CACTIN: variants seen among roughly 807,000 people sequenced by gnomAD.
CACTIN encodes the protein splicing factor Cactin.
CACTIN carries 20 observed loss-of-function variants against 84.9 expected under a neutral mutation model. The ratio of observed to expected loss-of-function variants is 0.24; its 90% CI spans 0.17 to 0.34. The LOEUF is 0.34. CACTIN is among the 10% of genes least tolerant of loss of function. The pLI, the probability that CACTIN is intolerant of heterozygous loss-of-function variation, is 1.00. For missense variants in CACTIN, 897 were observed against 1,117.2 expected (o/e 0.80, Z 2.81); for synonymous variants, 549 against 467.9 (o/e 1.17, Z -2.24).
chr19:3,626,729 C>A lies in CACTIN; in HGVS notation c.34G>T (p.Ala12Ser). ...GRDTRSRSRS[A>S]GRRGRRRQSQ... ...TGCCGCCTTCGGCCCCGGCGACCCG[C>A]GGACCGCGAGCGCGAGCGTGTGTCC... is the stretch of plus-strand genomic sequence containing the variant. The change falls in exon 1 of 10, where the codon GCG (alanine) becomes TCG (serine). Residue 12 changes from alanine (A) to serine (S), a missense_variant. Physicochemically the swap from Ala to Ser is moderately conservative, Grantham distance 99. Around this residue, in one of 8 missense-constraint regions of CACTIN, gnomAD observed 261 missense variants for 243.8 expected, o/e 1.07. Transcript: ENST00000429344. The A allele has an allele frequency of 6.7e-7, 1 of 1,492,962 alleles. No individual in the cohort carries two copies. Among genetic ancestry groups the A allele is most frequent in the Non-Finnish European group, 8.9e-7 (1 of 1,127,738 alleles). The allele number at this position is 1,492,962 out of a possible 1,614,324, so 92.5% of individuals were successfully genotyped here. A position where few individuals can be genotyped will look rare whatever the true frequency, so the allele number is the denominator to read the frequency against.
intron 7 of CACTIN, chr19:3,614,013 G>A (rs1312312750): frequency 2.5e-5 from 11 of 447,708 alleles, no homozygotes; most frequent in South Asian, 1.0e-4. Context: ...AGGCAGCAGC[G>A]CTGGGAGGGC....
At chr19:3,625,047 C>T (rs1472155387) in intron 1 of CACTIN, among the ~76,000 whole-genome samples, 3 of 152,116 alleles carry the variant, frequency 2.0e-5, no homozygotes, top group South Asian at 2.1e-4. Context: ...CACACCACCA[C>T]GCCCAGGTAA....
chr19:3,613,227 C>T lies in CACTIN; in HGVS notation c.1617G>A (p.Ala539=), dbSNP rs934510253. ...GGATCAGGTCCTCCTCCATGAGCAC[C>T]GCCTCGCCCTCGCCCTCGCCCTCAC... ...GDGEGEGEGE[A]VLMEEDLIQQ... is the part of the protein sequence containing the mutation. Residue 539 remains alanine (A), a synonymous_variant, in exon 9 of 10, where the codon GCG becomes GCA. Transcript: ENST00000429344. The T allele has an allele frequency of 1.9e-6, 3 of 1,605,688 alleles. No individual in the cohort carries two copies. The highest frequency in any genetic ancestry group is 1.3e-5 in the African/African-American group (1 of 74,920).
Position 3,612,114 on chromosome 19 carries a change from G to A in CACTIN, c.2086C>T (p.Leu696=), listed in dbSNP as rs1330766298. Residue 696 remains leucine, a synonymous_variant, in exon 10 of 10, where the codon CTG becomes TTG. Transcript: ENST00000429344. ...IDKRSTPEYF[L]EACADNKDFA... ...TCCTTGTTGTCGGCGCAGGCCTCCA[G>A]GAAGTACTCGGGCGTGGAGCGCTTG... 1.9e-6 allele frequency: 3 copies of A among 1,613,680 alleles called. No individual in the cohort carries two copies. Among genetic ancestry groups the A allele is most frequent in the African/African-American group, 2.7e-5 (2 of 74,962 alleles).
chr19:3,621,125 A>C, intron 2 of CACTIN: 1 of 453,444 alleles, frequency 2.2e-6, no homozygotes, highest in Non-Finnish European at 4.1e-6. Context: ...CCCCCAACAG[A>C]AGAGCCTTGC....
chr19:3,623,712 C>A lies in CACTIN; in HGVS notation c.618G>T (p.Leu206=), dbSNP rs369539603. 3.7e-6 allele frequency: 6 copies of A among 1,611,232 alleles called. No homozygotes were observed. Among genetic ancestry groups the A allele is most frequent in the Non-Finnish European group, 5.1e-6 (6 of 1,178,086 alleles). Residue 206 remains leucine, a synonymous_variant, in exon 2 of 10, where the codon CTG becomes CTT. Transcript: ENST00000429344. Reference sequence around the variant, plus strand: ...CCTTATTCCAGATGAAGGTGCCCAGCAGGTTGTTGTCTCCGAAGGGGTTGT... The same window carrying A: ...CCTTATTCCAGATGAAGGTGCCCAGAAGGTTGTTGTCTCCGAAGGGGTTGT... ...NTDNPFGDNN[L]LGTFIWNKAL... is the part of the protein sequence containing the mutation.
chr19:3,623,491 T>C (rs550541192), intron 2 of CACTIN, among the ~76,000 whole-genome samples, 197 bp downstream of exon 2: 8 of 152,184 alleles, frequency 5.3e-5, no homozygotes, highest in African/African-American at 1.7e-4. Flanking sequence ...ATCACACCAC[T>C]TCACTCCAGC....
chr19:3,612,873 G>C (rs1198064136), intron 9 of CACTIN, 185 bp downstream of exon 9: 1 of 797,542 alleles, frequency 1.3e-6, no homozygotes, highest in African/African-American at 1.7e-5. Flanking sequence ...AGCAAGCCCA[G>C]GATGAATGAA....
intron 7 of CACTIN, chr19:3,614,058 G>A: frequency 4.1e-6 from 2 of 491,588 alleles, no homozygotes; most frequent in Non-Finnish European, 7.5e-6. Context: ...GGACAGGCAG[G>A]CCGCCTGGGG....
rs182927689 is a variant in CACTIN, at chr19:3,611,594, C to T, written c.*329G>A. On this transcript the variant is annotated 3_prime_UTR_variant, in exon 10 of 10. Coordinates refer to ENST00000429344, the MANE Select transcript of CACTIN (RefSeq NM_001080543.2). Reference sequence around the variant, plus strand: ...GGCCCCACCCAGCCTGGCTGAGGGGCGGTGGAGAGTGTCCGCCTGGACGGT... The same window carrying T: ...GGCCCCACCCAGCCTGGCTGAGGGGTGGTGGAGAGTGTCCGCCTGGACGGT... 113 of 395,900 alleles carry T rather than the reference C, an allele frequency of 2.9e-4. No homozygotes were observed. The highest frequency in any genetic ancestry group is 2.3e-3 in the African/African-American group (110 of 48,400). 24.5% of individuals were successfully genotyped at this position (395,900 alleles called of 1,614,324 possible).
rs1432829682 is a variant in CACTIN, at chr19:3,611,733, G to A, written c.*190C>T. On this transcript the variant is annotated 3_prime_UTR_variant, in exon 10 of 10. Transcript: ENST00000429344. ...TCCCAGTGTCTCCTCAGCTCACCAT[G>A]GCAGGCTCAATGGTGACCCCCCTTT... The A allele has an allele frequency of 9.3e-6, 7 of 751,646 alleles. No homozygotes were observed. The highest frequency in any genetic ancestry group is 5.5e-5 in the East Asian group (2 of 36,446). The allele number at this position is 751,646 out of a possible 1,614,324, so 46.6% of individuals were successfully genotyped here.
rs747351327 is a variant in CACTIN at position 3,612,265 on chromosome 19, G to A, written c.1935C>T (p.Phe645=). The A allele has an allele frequency of 1.9e-6, 3 of 1,613,120 alleles. No homozygotes were observed. The highest frequency in any genetic ancestry group is 2.5e-6 in the Non-Finnish European group (3 of 1,179,908). The change falls in exon 10 of 10, where the codon TTC becomes TTT. Residue 645 remains phenylalanine (F), a synonymous_variant. Transcript: ENST00000429344. ...CGAAGCCCGTGTGCACGCGGTTGAA[G>A]AAGCGCGGCTTGCGTGGCCGGTACT... ...ADKYRPRKPR[F]FNRVHTGFEW... is the part of the protein sequence containing the mutation.
intron 6 of CACTIN, chr19:3,614,972 A>T: frequency 2.9e-6 from 1 of 340,892 alleles, no homozygotes; most frequent in Non-Finnish European, 5.6e-6. Flanking sequence ...GGCCTTGGGC[A>T]GTCCATGAGG....
chr19:3,613,365 G>A lies in CACTIN; in HGVS notation c.1479C>T (p.Ser493=), dbSNP rs1174319943. ...LKQEPQSPSR[S]LEPEDAAPTP... is the part of the protein sequence containing the mutation. ...TGGGCGCCGCGTCCTCAGGCTCCAG[G>A]CTGGGAGGAGAGAGCGTTGGAGGCG... Residue 493 remains serine (S), a splice_region_variant and synonymous_variant, in exon 9 of 10, where the codon AGC becomes AGT. Coordinates refer to ENST00000429344, the MANE Select transcript of CACTIN (RefSeq NM_001080543.2). The A allele has an allele frequency of 2.0e-6, 3 of 1,521,274 alleles. No homozygotes were observed. The Admixed American group carries it at 6.1e-5, about 31-fold the overall frequency. 94.2% of individuals were successfully genotyped at this position (1,521,274 alleles called of 1,614,324 possible). A position where few individuals can be genotyped will look rare whatever the true frequency, so the allele number is the denominator to read the frequency against.
intron 2 of CACTIN, 31 bp downstream of exon 2, chr19:3,623,657 G>A (rs2145335525): frequency 4.5e-6 from 7 of 1,551,016 alleles, no homozygotes; most frequent in Non-Finnish European, 6.1e-6. Context: ...AAATGCTACA[G>A]GGACAGAGGC....
Position 3,611,024 on chromosome 19 carries a change from G to C in CACTIN, c.*899C>G, listed in dbSNP as rs376732385. On this transcript the variant is annotated 3_prime_UTR_variant, in exon 10 of 10. Coordinates refer to ENST00000429344, the MANE Select transcript of CACTIN (RefSeq NM_001080543.2). The stretch of plus-strand genomic sequence containing the variant: ...CTGTCCTGATATGGGCAAAACTCGG[G>C]GTCACTGGTCTCATGCTCCAAGGCC... 2 of 446,306 alleles carry C rather than the reference G, an allele frequency of 4.5e-6. No homozygotes were observed. The highest frequency in any genetic ancestry group is 1.6e-5 in the South Asian group (1 of 63,744). 27.6% of individuals were successfully genotyped at this position (446,306 alleles called of 1,614,324 possible). A position where few individuals can be genotyped will look rare whatever the true frequency, so the allele number is the denominator to read the frequency against.
At chr19:3,612,963 A>ACGCCAG (rs1337728287) in intron 9 of CACTIN, 95 bp downstream of exon 9, 18 of 1,428,978 alleles carry the variant, frequency 1.3e-5, no homozygotes, top group African/African-American at 2.8e-5. Flanking sequence ...CTCCCCACTG[A>ACGCCAG]CGCCAGCGGC....
chr19:3,619,691 G>A (rs1190433062), intron 4 of CACTIN, among the ~76,000 whole-genome samples: 3 of 152,144 alleles, frequency 2.0e-5, no homozygotes, highest in African/African-American at 2.4e-5. Context: ...GGGGGTACGC[G>A]TTGCAGGCGG....
intron 2 of CACTIN, 90 bp from the exon 3 acceptor site, chr19:3,620,892 C>T (rs764863961): frequency 1.9e-6 from 2 of 1,042,166 alleles, no homozygotes; most frequent in South Asian, 2.6e-5. Context: ...GACCAGGGCC[C>T]TTGTTTTGCA....
Sources: gnomAD v4.1 joint callset for allele counts (sites outside exome capture counted in the v4.1 genomes callset) on GRCh38, gnomAD v4.1.1 for gene constraint, gnomAD v4.1.1 regional missense constraint, MANE v1.5 for transcripts, NCBI Gene and HGNC (gene_info 2026-07-23, HGNC 2026-07-21) for gene names.